SLC35A1: variants seen among roughly 807,000 people sequenced by gnomAD.
SLC35A1 encodes the protein CMP-sialic acid transporter.
In SLC35A1, 21 loss-of-function variants were observed where a neutral mutation model predicts 40.3. The ratio of observed to expected loss-of-function variants is 0.52; its 90% CI spans 0.37 to 0.75. The LOEUF is 0.75. Ranked by LOEUF, SLC35A1 falls within the 30% of genes least tolerant of loss-of-function variation. The pLI, the probability that SLC35A1 is intolerant of heterozygous loss-of-function variation, is 0.00. For synonymous variants in SLC35A1, 146 were observed against 147.3 expected (o/e 0.99, Z 0.06); for missense variants, 297 against 382.1 (o/e 0.78, Z 1.86).
intron 2 of SLC35A1, among the ~76,000 whole-genome samples, chr6:87,478,758 CCA>C (rs1460429870): frequency 3.9e-5 from 6 of 152,108 alleles, no homozygotes; most frequent in Non-Finnish European, 5.9e-5. Context: ...AGTTTCAGTG[CCA>C]CACACAAAAA....
intron 2 of SLC35A1, among the ~76,000 whole-genome samples, chr6:87,492,868 T>G (rs1415598446): frequency 6.6e-6 from 1 of 152,106 alleles, no homozygotes; most frequent in African/African-American, 2.4e-5. Flanking sequence ...GTTTCTTGAT[T>G]AAGGTAGTGC....
chr6:87,505,166 C>T (rs1253046157), intron 4 of SLC35A1, among the ~76,000 whole-genome samples: 2 of 152,282 alleles, frequency 1.3e-5, no homozygotes, highest in East Asian at 1.9e-4. Context: ...TTCATGCAAA[C>T]AATTTAGACC....
chr6:87,498,841 T>TA (rs34170883), intron 2 of SLC35A1, among the ~76,000 whole-genome samples: 4,761 of 151,250 alleles, frequency 0.031, 105 homozygotes, highest in Middle Eastern at 0.054. Context: ...ATTAAGCAGT[T>TA]AAAAAAAAAG....
rs755013975 is a variant in SLC35A1, at chr6:87,506,394, C to G, written c.520C>G (p.Pro174Ala). ...ATTAATATTGCAGGTGGAACAAAAT[C>G]CATTATTAGGGTTTGGCGCTATAGC... ...QATKVVVEQN[P>A]LLGFGAIAIA... Residue 174 changes from proline (P) to alanine (A), a missense_variant, in exon 5 of 8, where the codon CCA becomes GCA. Transcript: ENST00000369552. 2 of 1,613,146 alleles carry G rather than the reference C, an allele frequency of 1.2e-6. No individual in the cohort carries two copies. The highest frequency in any genetic ancestry group is 1.7e-6 in the Non-Finnish European group (2 of 1,179,274).
rs144960751 is a variant in SLC35A1 at position 87,473,038 on chromosome 6, G to A, written c.16+19G>A. 5.3e-4 allele frequency: 301 copies of A among 572,822 alleles called. 3 individuals carry two copies. In the East Asian group the frequency reaches 0.01, roughly 19 times the overall value. The allele number at this position is 572,822 out of a possible 1,614,324, so 35.5% of individuals were successfully genotyped here. On this transcript the variant is annotated intron_variant, in intron 1 of 7. Coordinates refer to ENST00000369552, the MANE Select transcript of SLC35A1 (RefSeq NM_006416.5). ...CCGAGAGGTGAGAACTGGGTCTGCT[G>A]GGAGTGGGGAGTCCGCGGGGGGCGG...
chr6:87,491,262 A>G (rs1181626916), intron 2 of SLC35A1, among the ~76,000 whole-genome samples: 4 of 152,250 alleles, frequency 2.6e-5, no homozygotes, highest in Non-Finnish European at 5.9e-5. Context: ...GTTGGCATTC[A>G]AAAAGTTTTA....
chr6:87,508,977 C>T, intron 6 of SLC35A1, 64 bp from the exon 7 acceptor site: 1 of 1,558,466 alleles, frequency 6.4e-7, no homozygotes, highest in Admixed American at 1.7e-5. Context: ...ATGAAAATTG[C>T]CTCACCATTA....
intron 2 of SLC35A1, among the ~76,000 whole-genome samples, chr6:87,491,050 G>A (rs1043827040): frequency 6.6e-6 from 1 of 152,200 alleles, no homozygotes; most frequent in Non-Finnish European, 1.5e-5. Context: ...AGGGAAACAA[G>A]CTGGTAAATA....
At chr6:87,498,841 TA>T (rs34170883) in intron 2 of SLC35A1, among the ~76,000 whole-genome samples, 1 of 151,138 alleles carries the variant, frequency 6.6e-6, no homozygotes, top group Non-Finnish European at 1.5e-5. Flanking sequence ...ATTAAGCAGT[TA>T]AAAAAAAAGG....
chr6:87,500,836 C>T (rs1252585961), intron 3 of SLC35A1, among the ~76,000 whole-genome samples, 169 bp downstream of exon 3: 1 of 151,834 alleles, frequency 6.6e-6, no homozygotes, highest in South Asian at 2.1e-4. Flanking sequence ...CAATCTCCGC[C>T]GCCCAGGTTC....
At chr6:87,510,956 A>C (rs1770247319) in intron 7 of SLC35A1, among the ~76,000 whole-genome samples, 2 of 152,056 alleles carry the variant, frequency 1.3e-5, no homozygotes, top group Non-Finnish European at 1.5e-5. Flanking sequence ...TCCGATTAAG[A>C]AATTATCAAT....
At chr6:87,479,306 T>C (rs1218580700) in intron 2 of SLC35A1, among the ~76,000 whole-genome samples, 1 of 152,218 alleles carries the variant, frequency 6.6e-6, no homozygotes, top group East Asian at 1.9e-4. Flanking sequence ...TGGAGGATAG[T>C]TAAGGGAGGT....
intron 2 of SLC35A1, among the ~76,000 whole-genome samples, chr6:87,478,364 A>G (rs1197908686): frequency 6.6e-6 from 1 of 152,192 alleles, no homozygotes; most frequent in African/African-American, 2.4e-5. Context: ...GGGGTGCTGA[A>G]AATTAAATAA....
chr6:87,502,356 C>A (rs565491981), intron 4 of SLC35A1, among the ~76,000 whole-genome samples: 13 of 152,272 alleles, frequency 8.5e-5, no homozygotes, highest in African/African-American at 3.1e-4. Flanking sequence ...ACTTGTTATA[C>A]AGTCATGCAT....
intron 1 of SLC35A1, among the ~76,000 whole-genome samples, chr6:87,475,132 G>A (rs1197292056): frequency 3.9e-5 from 6 of 151,916 alleles, no homozygotes; most frequent in African/African-American, 1.5e-4. Flanking sequence ...GCTGTTGTAG[G>A]GAAAAAAAAG....
chr6:87,473,035 G>A lies in SLC35A1; in HGVS notation c.16+16G>A, dbSNP rs527641564. 6 of 606,534 alleles carry A rather than the reference G, an allele frequency of 9.9e-6. No homozygotes were observed. The Admixed American group carries it at 2.5e-4, about 26-fold the overall frequency. The allele number at this position is 606,534 out of a possible 1,614,324, so 37.6% of individuals were successfully genotyped here. ...GCCCCGAGAGGTGAGAACTGGGTCTGCTGGGAGTGGGGAGTCCGCGGGGGG... is the reference window on the plus strand; with the variant it reads ...GCCCCGAGAGGTGAGAACTGGGTCTACTGGGAGTGGGGAGTCCGCGGGGGG... On this transcript the variant is annotated intron_variant, in intron 1 of 7. Coordinates refer to ENST00000369552, the MANE Select transcript of SLC35A1 (RefSeq NM_006416.5).
At chr6:87,498,115 G>C (rs1321906457) in intron 2 of SLC35A1, among the ~76,000 whole-genome samples, 1 of 152,086 alleles carries the variant, frequency 6.6e-6, no homozygotes, top group East Asian at 1.9e-4. Context: ...TTATATTGTA[G>C]CTTTTGAGGG....
intron 2 of SLC35A1, among the ~76,000 whole-genome samples, chr6:87,486,545 T>C (rs549735206): frequency 6.6e-6 from 1 of 152,222 alleles, no homozygotes; most frequent in East Asian, 1.9e-4. Context: ...CATGGACTTA[T>C]AGTCTGTTGG....
chr6:87,510,937 C>T (rs577148500), intron 7 of SLC35A1, among the ~76,000 whole-genome samples: 1 of 151,852 alleles, frequency 6.6e-6, no homozygotes, highest in South Asian at 2.1e-4. Context: ...AGTAAATTAT[C>T]GCCTCATCTC....
Sources: allele counts gnomAD v4.1 joint callset (sites outside exome capture counted in the v4.1 genomes callset), GRCh38; gene constraint gnomAD v4.1.1; transcripts MANE v1.5; gene names NCBI Gene and HGNC (gene_info 2026-07-23, HGNC 2026-07-21).